TBC1D32: variants seen among roughly 807,000 people sequenced by gnomAD.
TBC1D32 encodes TBC1 domain family member 32.
A neutral mutation model predicts 170.3 loss-of-function variants in TBC1D32; 151 were observed. That is an observed-to-expected ratio of 0.89 (90% CI 0.78 to 1.01). The LOEUF (loss-of-function observed/expected upper bound fraction) is 1.01, where lower values mean the gene tolerates loss of function less well. Among genes scored for constraint, TBC1D32 ranks in the 50% least tolerant of loss-of-function variants. TBC1D32 has a pLI of 0.00. For synonymous variants in TBC1D32, 498 were observed against 488.0 expected (o/e 1.02, Z -0.27); for missense variants, 1,464 against 1,457.1 (o/e 1.00, Z -0.08).
chr6:121,093,887 G>A (rs914558604), intron 30 of TBC1D32, among the ~76,000 whole-genome samples: 2 of 152,046 alleles, frequency 1.3e-5, no homozygotes, highest in Non-Finnish European at 2.9e-5. Flanking sequence ...AGGTATAGAT[G>A]TTATTATTTA....
chr6:121,176,471 T>C (rs895230155), intron 22 of TBC1D32, among the ~76,000 whole-genome samples: 5 of 152,108 alleles, frequency 3.3e-5, no homozygotes, highest in African/African-American at 9.7e-5. Flanking sequence ...CCAAAATGTT[T>C]TGAGCACCAA....
intron 15 of TBC1D32, among the ~76,000 whole-genome samples, chr6:121,272,642 C>T (rs1347588491): frequency 6.6e-6 from 1 of 152,114 alleles, no homozygotes; most frequent in African/African-American, 2.4e-5. Flanking sequence ...GAAATAGGAA[C>T]ACTTTTACAC....
At position 121,223,411 on chromosome 6, in the gene TBC1D32, G is replaced by C. The variant is rs1794735856; in HGVS notation, c.2365-59C>G. On this transcript the variant is annotated intron_variant, in intron 20 of 31. Transcript: ENST00000398212. ...CACTTTTGTCAACCACATCCATGGA[G>C]AGTCATTAATGTAGTTTCCTATCTG... The C allele has an allele frequency of 3.9e-5, 44 of 1,125,520 alleles. No individual in the cohort carries two copies. The South Asian group carries it at 6.0e-4, about 15-fold the overall frequency. 69.7% of individuals were successfully genotyped at this position (1,125,520 alleles called of 1,614,324 possible).
At chr6:121,190,241 A>G in intron 22 of TBC1D32, among the ~76,000 whole-genome samples, 1 of 128,968 alleles carries the variant, frequency 7.8e-6, no homozygotes, top group South Asian at 2.6e-4. Context: ...ACCAGTTCCA[A>G]CCTCCCTCCT....
chr6:121,088,318 A>G (rs1235949065), intron 31 of TBC1D32, among the ~76,000 whole-genome samples: 1 of 152,184 alleles, frequency 6.6e-6, no homozygotes, highest in African/African-American at 2.4e-5. Flanking sequence ...TGAATAGGAA[A>G]GTGTAAAACA....
intron 21 of TBC1D32, among the ~76,000 whole-genome samples, chr6:121,219,821 T>G (rs557346636): frequency 6.6e-6 from 1 of 152,272 alleles, no homozygotes; most frequent in African/African-American, 2.4e-5. Context: ...GTGTTCACTT[T>G]GTGTCTCTGC....
chr6:121,200,404 A>T (rs1387011227), intron 22 of TBC1D32, among the ~76,000 whole-genome samples: 28 of 151,470 alleles, frequency 1.8e-4, no homozygotes, highest in Non-Finnish European at 7.4e-5. Flanking sequence ...TCCCCACGAT[A>T]TTTACAGCTT....
intron 22 of TBC1D32, among the ~76,000 whole-genome samples, chr6:121,172,388 G>T (rs1439481807): frequency 6.6e-6 from 1 of 152,148 alleles, no homozygotes; most frequent in Non-Finnish European, 1.5e-5. Context: ...CCACAATGGA[G>T]GTAAGGAAGA....
chr6:121,186,317 T>A (rs1400816884), intron 22 of TBC1D32, among the ~76,000 whole-genome samples: 1 of 152,006 alleles, frequency 6.6e-6, no homozygotes, highest in African/African-American at 2.4e-5. Context: ...GGATGCTCTG[T>A]AGCACCTACT....
intron 22 of TBC1D32, chr6:121,192,481 T>C (rs1228722552): frequency 6.6e-6 from 1 of 152,172 alleles, no homozygotes; most frequent in African/African-American, 2.4e-5. Flanking sequence ...GGATTCTGTC[T>C]CCTGGCTTCA....
At chr6:121,133,839 C>T (rs1781717561) in intron 24 of TBC1D32, among the ~76,000 whole-genome samples, 1 of 151,924 alleles carries the variant, frequency 6.6e-6, no homozygotes, top group Admixed American at 6.6e-5. Context: ...ATACGTTTCA[C>T]AAATAGCCTC....
intron 30 of TBC1D32, among the ~76,000 whole-genome samples, chr6:121,097,292 T>A (rs921663099): frequency 6.6e-6 from 1 of 152,140 alleles, no homozygotes; most frequent in African/African-American, 2.4e-5. Context: ...TTTTGCAATC[T>A]ATCCATCTGA....
chr6:121,170,160 T>TACAC (rs150401778), intron 22 of TBC1D32, among the ~76,000 whole-genome samples: 3 of 148,976 alleles, frequency 2.0e-5, no homozygotes, highest in African/African-American at 7.3e-5. Context: ...ACCACACACA[T>TACAC]ACACACACAC....
At chr6:121,136,036 C>G (rs1782034047) in intron 24 of TBC1D32, among the ~76,000 whole-genome samples, 1 of 151,960 alleles carries the variant, frequency 6.6e-6, no homozygotes, top group African/African-American at 2.4e-5. Flanking sequence ...CCCAAAACTC[C>G]CCTAACATGA....
At chr6:121,229,751 A>C (rs1469215415) in intron 20 of TBC1D32, among the ~76,000 whole-genome samples, 3 of 152,136 alleles carry the variant, frequency 2.0e-5, no homozygotes, top group Non-Finnish European at 4.4e-5. Flanking sequence ...CTATTTGGTT[A>C]CCCAGTGGTA....
At chr6:121,158,401 G>A (rs1166793333) in intron 24 of TBC1D32, among the ~76,000 whole-genome samples, 1 of 152,018 alleles carries the variant, frequency 6.6e-6, no homozygotes, top group African/African-American at 2.4e-5. Flanking sequence ...TTAGCTCCTG[G>A]ATCATTGCAC....
At chr6:121,177,806 C>A (rs1017009095) in intron 22 of TBC1D32, among the ~76,000 whole-genome samples, 2 of 152,088 alleles carry the variant, frequency 1.3e-5, no homozygotes, top group African/African-American at 4.8e-5. Flanking sequence ...TATGGATATG[C>A]AAGTATTTCA....
At chr6:121,251,948 T>G (rs1403788535) in intron 17 of TBC1D32, among the ~76,000 whole-genome samples, 3 of 152,176 alleles carry the variant, frequency 2.0e-5, no homozygotes, top group African/African-American at 7.2e-5. Context: ...AACATATTTA[T>G]GCGGCCAAGA....
chr6:121,313,460 T>C (rs1032497501), intron 3 of TBC1D32, among the ~76,000 whole-genome samples: 1 of 151,854 alleles, frequency 6.6e-6, no homozygotes, highest in African/African-American at 2.4e-5. Flanking sequence ...ATTTTTGTAC[T>C]TTTACCAAAC....
Sources: gnomAD v4.1 joint callset for allele counts (sites outside exome capture counted in the v4.1 genomes callset) on GRCh38, gnomAD v4.1.1 for gene constraint, MANE v1.5 for transcripts, NCBI Gene and HGNC (gene_info 2026-07-23, HGNC 2026-07-21) for gene names.